GABRG3: variants seen among roughly 807,000 people sequenced by gnomAD.
GABRG3 encodes gamma-aminobutyric acid type A receptor subunit gamma3.
In GABRG3, 25 loss-of-function variants were observed where a neutral mutation model predicts 48.8. That is an observed-to-expected ratio of 0.51 (90% CI 0.37 to 0.72). The LOEUF is 0.72. Ranked by LOEUF, GABRG3 falls within the 30% of genes least tolerant of loss-of-function variation. GABRG3 has a pLI of 0.00. For synonymous variants in GABRG3, 227 were observed against 217.6 expected (o/e 1.04, Z -0.38); for missense variants, 394 against 577.9 (o/e 0.68, Z 3.26).
intron 3 of GABRG3, among the ~76,000 whole-genome samples, chr15:27,261,812 C>A (rs575942604): frequency 6.6e-6 from 1 of 152,042 alleles, no homozygotes; most frequent in Non-Finnish European, 1.5e-5. Flanking sequence ...TACATTGTTA[C>A]ACTTCTATTA....
chr15:27,300,678 CAAAA>C (rs10600874), intron 3 of GABRG3, among the ~76,000 whole-genome samples: 59,602 of 101,268 alleles, frequency 0.59, 14,320 homozygotes, highest in Non-Finnish European at 0.63. Flanking sequence ...AATAAATAAG[CAAAA>C]AAAAAAAAAA....
At chr15:27,184,419 C>G (rs542723162) in intron 3 of GABRG3, among the ~76,000 whole-genome samples, 1 of 152,254 alleles carries the variant, frequency 6.6e-6, no homozygotes, top group Non-Finnish European at 1.5e-5. Flanking sequence ...TCTCGATTGC[C>G]TTCAGCTCAA....
chr15:27,217,046 C>A (rs557307772), intron 3 of GABRG3, among the ~76,000 whole-genome samples: 1 of 144,538 alleles, frequency 6.9e-6, no homozygotes, highest in South Asian at 2.3e-4. Context: ...TTTGTTATTG[C>A]GATAGTTTAC....
At chr15:27,233,669 G>A (rs139673852) in intron 3 of GABRG3, among the ~76,000 whole-genome samples, 20 of 152,206 alleles carry the variant, frequency 1.3e-4, no homozygotes, top group Admixed American at 2.6e-4. Context: ...TTCAACACAC[G>A]AATTTTGGGA....
chr15:27,307,777 T>C (rs1300747094), intron 3 of GABRG3, among the ~76,000 whole-genome samples: 1 of 93,862 alleles, frequency 1.1e-5, no homozygotes, highest in Admixed American at 1.1e-4. Flanking sequence ...AACATATGTT[T>C]ATATATAAAC....
At chr15:27,060,949 C>A (rs912949191) in intron 3 of GABRG3, among the ~76,000 whole-genome samples, 1 of 152,066 alleles carries the variant, frequency 6.6e-6, no homozygotes, top group South Asian at 2.1e-4. Flanking sequence ...CACTAAATGC[C>A]ACCAAATACT....
At chr15:27,474,068 C>T (rs946793134) in intron 5 of GABRG3, among the ~76,000 whole-genome samples, 1 of 120,310 alleles carries the variant, frequency 8.3e-6, no homozygotes, top group Non-Finnish European at 1.7e-5. Context: ...CACGGCCATG[C>T]TCTCAGGGCT....
chr15:27,050,765 T>C (rs1488623141), intron 3 of GABRG3, among the ~76,000 whole-genome samples: 1 of 152,110 alleles, frequency 6.6e-6, no homozygotes, highest in Admixed American at 6.6e-5. Context: ...AGTTATAGAC[T>C]AATTATCTGT....
intron 3 of GABRG3, among the ~76,000 whole-genome samples, chr15:27,309,687 A>G (rs57822572): frequency 0.077 from 11,774 of 152,144 alleles, 1,475 homozygotes; most frequent in African/African-American, 0.27. Context: ...ATAGATGTGG[A>G]GTAACTTGAA....
In GABRG3 at chr15:27,306,984, A is replaced by G. The variant is rs528523421; in HGVS notation, c.271-19825A>G. ...GTTTATATATAAACATATATAATAT[A>G]AACATGTTTATATATAAACATGTAT... On this transcript the variant is annotated intron_variant, in intron 3 of 9. Coordinates refer to ENST00000615808, the MANE Select transcript of GABRG3 (RefSeq NM_033223.5). 1.6e-5 allele frequency among the ~76,000 whole-genome samples: 2 copies of G among 121,392 alleles called. 1 individual carries two copies. Among genetic ancestry groups the G allele is most frequent in the African/African-American group, 7.1e-5 (2 of 28,144 alleles). 79.6% of individuals were successfully genotyped at this position (121,392 alleles called of 152,430 possible). A position where few individuals can be genotyped will look rare whatever the true frequency, so the allele number is the denominator to read the frequency against.
intron 3 of GABRG3, among the ~76,000 whole-genome samples, chr15:27,193,711 G>T (rs774249250): frequency 6.6e-6 from 1 of 151,942 alleles, no homozygotes; most frequent in African/African-American, 2.4e-5. Context: ...GCTTGTGCAC[G>T]GTGCGCTGCA....
intron 5 of GABRG3, among the ~76,000 whole-genome samples, chr15:27,349,194 A>G (rs527863345): frequency 9.9e-5 from 15 of 152,256 alleles, no homozygotes; most frequent in Non-Finnish European, 1.8e-4. Context: ...ATACATATAT[A>G]TATATCTTTT....
At chr15:27,351,962 GTA>G (rs1403633738) in intron 5 of GABRG3, among the ~76,000 whole-genome samples, 1 of 149,758 alleles carries the variant, frequency 6.7e-6, no homozygotes, top group African/African-American at 2.5e-5. Context: ...TGTGTATGGT[GTA>G]TGTCTGTATA....
At position 27,367,324 on chromosome 15, in the gene GABRG3, C is replaced by T. The variant is rs112293038; in HGVS notation, c.574+38436C>T. 1.5e-3 allele frequency among the ~76,000 whole-genome samples: 233 copies of T among 152,294 alleles called. 2 individuals carry two copies. Among genetic ancestry groups the T allele is most frequent in the African/African-American group, 5.4e-3 (225 of 41,566 alleles). On this transcript the variant is annotated intron_variant, in intron 5 of 9. Coordinates refer to ENST00000615808, the MANE Select transcript of GABRG3 (RefSeq NM_033223.5). ...CTCCTTCATCCCTAGGCCAACACAC[C>T]TCTTGACCTATCCTGGATGGACCAA...
At chr15:27,061,271 T>G (rs1896639741) in intron 3 of GABRG3, among the ~76,000 whole-genome samples, 1 of 152,148 alleles carries the variant, frequency 6.6e-6, no homozygotes, top group Non-Finnish European at 1.5e-5. Flanking sequence ...CAGTGAATGG[T>G]GTCCTTGCAT....
Position 27,248,803 on chromosome 15 carries a change from C to CACACACACAGAGAG in GABRG3, c.271-78005_271-78004insCACACACAGAGAGA, listed in dbSNP as rs1377080195. Among the ~76,000 whole-genome samples, 349 of 110,158 alleles carry CACACACACAGAGAG rather than the reference C, an allele frequency of 3.2e-3. 4 individuals are homozygous for CACACACACAGAGAG. The highest frequency in any genetic ancestry group is 0.013 in the African/African-American group (339 of 25,582). The allele number at this position is 110,158 out of a possible 152,430, so 72.3% of individuals were successfully genotyped here. Reference sequence around the variant, plus strand: ...ACACACACACACACACACACACACACAGAGAGAGAGAGAGAGAGAGAGAGA... The same window carrying CACACACACAGAGAG: ...ACACACACACACACACACACACACACACACACACAGAGAGAGAGAGAGAGAGAGAGAGAGAGAGA... On this transcript the variant is annotated intron_variant, in intron 3 of 9. Transcript: ENST00000615808.
At chr15:27,071,164 T>C (rs1390990125) in intron 3 of GABRG3, among the ~76,000 whole-genome samples, 2 of 152,202 alleles carry the variant, frequency 1.3e-5, no homozygotes, top group Non-Finnish European at 2.9e-5. Context: ...TCACAACCCC[T>C]GGTCCCTGGG....
At chr15:27,208,172 A>T (rs896413260) in intron 3 of GABRG3, 1 of 162,720 alleles carries the variant, frequency 6.1e-6, no homozygotes, top group Non-Finnish European at 1.4e-5. Context: ...CTGATCTCAC[A>T]GTTCTGCCTC....
At chr15:27,237,818 G>A (rs965171700) in intron 3 of GABRG3, among the ~76,000 whole-genome samples, 2 of 152,150 alleles carry the variant, frequency 1.3e-5, no homozygotes, top group African/African-American at 4.8e-5. Flanking sequence ...GGGATGCCAC[G>A]GCCCATTCAA....
Sources: allele counts gnomAD v4.1 joint callset (sites outside exome capture counted in the v4.1 genomes callset), GRCh38; gene constraint gnomAD v4.1.1; transcripts MANE v1.5; gene names NCBI Gene and HGNC (gene_info 2026-07-23, HGNC 2026-07-21).